The following PDXDC1 variants were observed in gnomAD, a reference collection of about 807,000 sequenced individuals.
The protein encoded by PDXDC1 is pyridoxal-dependent decarboxylase domain-containing protein 1.
A neutral mutation model predicts 100.1 loss-of-function variants in PDXDC1; 42 were observed. The ratio of observed to expected loss-of-function variants is 0.42; its 90% CI spans 0.33 to 0.54. The LOEUF (loss-of-function observed/expected upper bound fraction) is 0.54. PDXDC1 is among the 20% of genes least tolerant of loss of function. PDXDC1 has a pLI of 0.10. For missense variants in PDXDC1, 636 were observed against 979.2 expected (o/e 0.65, Z 4.68); for synonymous variants, 260 against 371.7 (o/e 0.70, Z 3.46).
intron 16 of PDXDC1, among the ~76,000 whole-genome samples, chr16:15,078,658 CCT>C (rs942067085): frequency 2.0e-5 from 3 of 152,016 alleles, no homozygotes; most frequent in Admixed American, 6.6e-5. Flanking sequence ...CTTCTCCTCC[CCT>C]GTCCTAAACT....
downstream of PDXDC1, chr16:15,038,832 A>C: frequency 1.7e-6 from 1 of 584,522 alleles, no homozygotes; most frequent in Non-Finnish European, 3.0e-6. Context: ...AAAAGCTGCC[A>C]GCTACTGAAC....
At chr16:15,044,620 G>A (rs2043970831) in intron 16 of PDXDC1, 2 of 588,580 alleles carry the variant, frequency 3.4e-6, no homozygotes, top group Non-Finnish European at 6.0e-6. Context: ...CCTGATGACT[G>A]AGGGGATCCG....
chr16:14,977,694 C>G (rs1967014880), intron 1 of PDXDC1, among the ~76,000 whole-genome samples: 1 of 152,282 alleles, frequency 6.6e-6, no homozygotes, highest in Non-Finnish European at 1.5e-5. Flanking sequence ...ATGTTGATGA[C>G]TTTATGTTCT....
chr16:14,992,276 G>C lies in PDXDC1; in HGVS notation c.22-5477G>C, dbSNP rs560013923. Among the ~76,000 whole-genome samples, 20 of 152,402 alleles carry C rather than the reference G, an allele frequency of 1.3e-4. No individual in the cohort carries two copies. The South Asian group carries it at 3.9e-3, about 30-fold the overall frequency. On this transcript the variant is annotated intron_variant, in intron 1 of 22. Coordinates refer to ENST00000396410, the MANE Select transcript of PDXDC1 (RefSeq NM_015027.4). ...GGAAAGAGCAAAAGTGGCTTTATCT[G>C]TAAAGGCTTCCTGGAATTATTGACT...
At chr16:15,024,059 C>T (rs1439647812) in intron 13 of PDXDC1, among the ~76,000 whole-genome samples, 2 of 152,390 alleles carry the variant, frequency 1.3e-5, no homozygotes, top group Admixed American at 6.5e-5. Flanking sequence ...ATCGCTGCTC[C>T]CTTATTCTCA....
chr16:15,061,022 T>C (rs2044691147), intron 16 of PDXDC1: 1 of 152,246 alleles, frequency 6.6e-6, no homozygotes, highest in Non-Finnish European at 1.5e-5. Context: ...CCTCCATTTT[T>C]GTCTTTTAAA....
Position 15,127,529 on chromosome 16 carries a change from C to T in PDXDC1, c.1400-11350C>T, listed in dbSNP as rs202191197. The T allele has an allele frequency of 1.1e-4, 154 of 1,455,410 alleles. 1 individual carries two copies. Among genetic ancestry groups the T allele is most frequent in the South Asian group, 9.0e-4 (76 of 83,992 alleles). 90.2% of individuals were successfully genotyped at this position (1,455,410 alleles called of 1,614,324 possible). A position where few individuals can be genotyped will look rare whatever the true frequency, so the allele number is the denominator to read the frequency against. On this transcript the variant is annotated intron_variant, in intron 16 of 16. Coordinates refer to the PDXDC1 transcript ENST00000535621. The stretch of plus-strand genomic sequence containing the variant: ...GCCAGGTAGACGGGATAGACAACCA[C>T]GCTGGACACCAGGCCAACAGCGACT...
chr16:15,027,354 G>T (rs1400546875), intron 14 of PDXDC1, among the ~76,000 whole-genome samples: 1 of 152,398 alleles, frequency 6.6e-6, no homozygotes, highest in African/African-American at 2.4e-5. Context: ...GCATCTGGGG[G>T]TGAATGTTTT....
At chr16:15,135,445 A>G (rs1449857671) in intron 16 of PDXDC1, 1 of 1,260,336 alleles carries the variant, frequency 7.9e-7, no homozygotes, top group Non-Finnish European at 1.1e-6. Flanking sequence ...GGCCGAGAAC[A>G]AGGGGCGACG....
intron 16 of PDXDC1, among the ~76,000 whole-genome samples, chr16:15,102,427 C>T (rs974369270): frequency 3.3e-5 from 5 of 151,574 alleles, no homozygotes; most frequent in African/African-American, 1.2e-4. Flanking sequence ...GGTCAATGGG[C>T]AGACATGAAG....
chr16:15,149,283 C>T, the PDXDC1 span, among the ~76,000 whole-genome samples: 1 of 152,202 alleles, frequency 6.6e-6, no homozygotes, highest in Non-Finnish European at 1.5e-5. Flanking sequence ...TCCCCATCAT[C>T]CATCTCTGTC....
chr16:15,022,302 G>C (rs1333863676), intron 12 of PDXDC1, among the ~76,000 whole-genome samples: 1 of 152,290 alleles, frequency 6.6e-6, no homozygotes, highest in Admixed American at 6.5e-5. Context: ...TGACTTATCC[G>C]TGGTCCTGCA....
At position 15,038,255 on chromosome 16, in the gene PDXDC1, T is replaced by A; in HGVS notation, c.*1980T>A. ...GGCATTAGAGAAGCCAACCTTACTGTCCCCTGCTGTGATAAAGATGTCAAA... is the reference window on the plus strand; with the variant it reads ...GGCATTAGAGAAGCCAACCTTACTGACCCCTGCTGTGATAAAGATGTCAAA... On this transcript the variant is annotated 3_prime_UTR_variant, in exon 23 of 23. Transcript: ENST00000396410. 7.5e-7 allele frequency: 1 copy of A among 1,339,146 alleles called. No homozygotes were observed. Among genetic ancestry groups the A allele is most frequent in the Non-Finnish European group, 1.1e-6 (1 of 950,124 alleles). 83.0% of individuals were successfully genotyped at this position (1,339,146 alleles called of 1,614,324 possible).
At chr16:15,011,176 G>A (rs1309693051) in intron 8 of PDXDC1, among the ~76,000 whole-genome samples, 1 of 152,296 alleles carries the variant, frequency 6.6e-6, no homozygotes, top group African/African-American at 2.4e-5. Flanking sequence ...CATACTTCAA[G>A]ACTTCTGTAA....
At position 15,110,170 on chromosome 16, in the gene PDXDC1, GAGAC is replaced by G. The variant is rs1475259670; in HGVS notation, c.1400-28707_1400-28704del. On this transcript the variant is annotated intron_variant, in intron 16 of 16. Coordinates refer to the PDXDC1 transcript ENST00000535621. ...CAGGAAAAAAAAAAAAAGAGAGAGA[GAGAC>G]AAAGGAAAACCAATGCCAGTACTAG... Among the ~76,000 whole-genome samples the G allele has an allele frequency of 2.7e-5, 4 of 149,472 alleles. No homozygotes were observed. The Admixed American group carries it at 2.7e-4, about 10-fold the overall frequency.
At chr16:15,063,070 T>C in intron 16 of PDXDC1, 2 of 760,432 alleles carry the variant, frequency 2.6e-6, no homozygotes, top group Admixed American at 4.1e-5. Flanking sequence ...TCTCCAGCAA[T>C]CCTCTGGCCT....
At position 15,036,077 on chromosome 16, in the gene PDXDC1, C is replaced by G. The variant is rs759922953; in HGVS notation, c.2169C>G (p.Val723=). 1.2e-5 allele frequency: 20 copies of G among 1,614,108 alleles called. No homozygotes were observed. Among genetic ancestry groups the G allele is most frequent in the Non-Finnish European group, 1.6e-5 (19 of 1,179,996 alleles). The change falls in exon 23 of 23, where the codon GTC becomes GTG. Residue 723 remains valine, a synonymous_variant. Coordinates refer to ENST00000396410, the MANE Select transcript of PDXDC1 (RefSeq NM_015027.4). ...GSDALSETSS[V]SHIEDLEKVE... ...ATGCTTTGAGTGAGACCAGCTCAGT[C>G]AGTCACATTGAAGACTTAGAAAAGG... is the stretch of plus-strand genomic sequence containing the variant.
At chr16:15,098,758 A>C (rs1214765676) in intron 16 of PDXDC1, among the ~76,000 whole-genome samples, 1 of 152,044 alleles carries the variant, frequency 6.6e-6, no homozygotes, top group Non-Finnish European at 1.5e-5. Flanking sequence ...CATGCCTGTA[A>C]TCCCAGCTAC....
At chr16:15,130,589 C>G in intron 16 of PDXDC1, 1 of 1,350,380 alleles carries the variant, frequency 7.4e-7, no homozygotes, top group Non-Finnish European at 1.1e-6. Flanking sequence ...CAATGCTGAC[C>G]CATGATGCCC....
Sources: allele counts gnomAD v4.1 joint callset (sites outside exome capture counted in the v4.1 genomes callset), GRCh38; gene constraint gnomAD v4.1.1; transcripts MANE v1.5; gene names NCBI Gene and HGNC (gene_info 2026-07-23, HGNC 2026-07-21).